Variants in SV2B observed in about 807,000 individuals in gnomAD.
The protein encoded by SV2B is solute carrier family 22 member B2.
SV2B carries 41 observed loss-of-function variants against 73.9 expected under a neutral mutation model. The ratio of observed to expected loss-of-function variants is 0.56; its 90% CI spans 0.43 to 0.72. The LOEUF (loss-of-function observed/expected upper bound fraction) is 0.72, where lower values mean the gene tolerates loss of function less well. SV2B is among the 30% of genes least tolerant of loss of function. The pLI, the probability that SV2B is intolerant of heterozygous loss-of-function variation, is 0.00. For missense variants in SV2B, 764 were observed against 857.8 expected, an observed-to-expected ratio of 0.89 and a Z score of 1.37; for synonymous variants, 314 against 314.2, an observed-to-expected ratio of 1.00 and a Z score of 0.01.
intron 1 of SV2B, among the ~76,000 whole-genome samples, chr15:91,176,092 A>G (rs1008488713): frequency 7.8e-6 from 1 of 128,062 alleles, no homozygotes; most frequent in Non-Finnish European, 1.6e-5. Context: ...TCCTGTGTCC[A>G]TGTGTTCTCA....
intron 1 of SV2B, among the ~76,000 whole-genome samples, chr15:91,150,014 G>GTTTAT (rs1567292998): frequency 6.6e-6 from 1 of 151,818 alleles, no homozygotes; most frequent in Non-Finnish European, 1.5e-5. Flanking sequence ...CTCTTTATTT[G>GTTTAT]TTTATTTTTT....
At chr15:91,246,828 A>T (rs1175946764) in intron 2 of SV2B, among the ~76,000 whole-genome samples, 1 of 151,850 alleles carries the variant, frequency 6.6e-6, no homozygotes, top group Non-Finnish European at 1.5e-5. Flanking sequence ...ATATTAAGGG[A>T]TCATTTCCCT....
intron 1 of SV2B, among the ~76,000 whole-genome samples, chr15:91,174,551 C>G (rs1352569848): frequency 1.3e-5 from 2 of 152,174 alleles, no homozygotes; most frequent in Admixed American, 6.5e-5. Flanking sequence ...ACCCTACCTT[C>G]CATTATCTTT....
rs1426712873 is a variant in SV2B, at chr15:91,123,082, C to A, written c.-392+22719C>A. On this transcript the variant is annotated intron_variant, in intron 1 of 12. Coordinates refer to ENST00000394232, the MANE Select transcript of SV2B (RefSeq NM_001323032.3). The surrounding 1 kb of genome is among the most constrained non-coding windows in gnomAD (Gnocchi z 4.7). ...GCTCAGGAGTTTGAGACCAGCCTGGCCAACATGGCAAAACCCTGTTTCTAC... is the reference window on the plus strand; with the variant it reads ...GCTCAGGAGTTTGAGACCAGCCTGGACAACATGGCAAAACCCTGTTTCTAC... Among the ~76,000 whole-genome samples the A allele has an allele frequency of 6.6e-6, 1 of 151,808 alleles. No individual in the cohort carries two copies. The highest frequency in any genetic ancestry group is 2.4e-5 in the African/African-American group (1 of 41,306).
intron 1 of SV2B, among the ~76,000 whole-genome samples, chr15:91,210,952 C>T (rs973848017): frequency 2.0e-5 from 3 of 152,160 alleles, no homozygotes; most frequent in Non-Finnish European, 4.4e-5. Flanking sequence ...TGGCATAGGC[C>T]CTCCAGGCAG....
intron 1 of SV2B, among the ~76,000 whole-genome samples, chr15:91,202,847 T>C (rs2045508705): frequency 1.3e-5 from 2 of 152,058 alleles, no homozygotes; most frequent in African/African-American, 4.8e-5. Context: ...AGTCATTGGC[T>C]TCAGGCTGCT....
chr15:91,299,319 A>G lies in SV2B; in HGVS notation c.*6767A>G, dbSNP rs560018134. The G allele has an allele frequency of 2.2e-4, 33 of 152,352 alleles. No individual in the cohort carries two copies. In the East Asian group the frequency reaches 5.6e-3, roughly 26 times the overall value. 9.4% of individuals were successfully genotyped at this position (152,352 alleles called of 1,614,324 possible). A position where few individuals can be genotyped will look rare whatever the true frequency, so the allele number is the denominator to read the frequency against. ...TAAAACATTCCTCCAAAAGAACGGC[A>G]AAGCAAATCCCATAGACACCCAAAA... On this transcript the variant is annotated 3_prime_UTR_variant, in exon 13 of 13. Coordinates refer to ENST00000394232, the MANE Select transcript of SV2B (RefSeq NM_001323032.3).
At chr15:91,207,506 C>T (rs748915974) in intron 1 of SV2B, among the ~76,000 whole-genome samples, 1 of 152,046 alleles carries the variant, frequency 6.6e-6, no homozygotes, top group Non-Finnish European at 1.5e-5. Flanking sequence ...ATTTGTTCGC[C>T]GGCATACCAA....
intron 1 of SV2B, among the ~76,000 whole-genome samples, chr15:91,216,701 CCTCAGGTGAT>C (rs2046039247): frequency 6.6e-6 from 1 of 151,678 alleles, no homozygotes; most frequent in African/African-American, 2.4e-5. Context: ...GAACTTCCAA[CCTCAGGTGAT>C]CTGCCCGCCT....
rs1406007697 is a variant in SV2B, at chr15:91,293,639, A to G, written c.*1087A>G. ...TCTTTGCAGGCAAGAATCAAACAACATGGGGACTGAGGGAAGGATGGGGAA... is the reference window on the plus strand; with the variant it reads ...TCTTTGCAGGCAAGAATCAAACAACGTGGGGACTGAGGGAAGGATGGGGAA... On this transcript the variant is annotated 3_prime_UTR_variant, in exon 13 of 13. Transcript: ENST00000394232. 2.0e-5 allele frequency: 3 copies of G among 152,230 alleles called. No homozygotes were observed. The highest frequency in any genetic ancestry group is 1.9e-4 in the East Asian group (1 of 5,204). The allele number at this position is 152,230 out of a possible 1,614,324, so 9.4% of individuals were successfully genotyped here.
At chr15:91,206,029 G>A (rs1287009817) in intron 1 of SV2B, among the ~76,000 whole-genome samples, 3 of 150,482 alleles carry the variant, frequency 2.0e-5, no homozygotes, top group African/African-American at 4.8e-5. Flanking sequence ...TTGTGGTGGT[G>A]GTGGTTGTGG....
chr15:91,239,260 G>C lies in SV2B; in HGVS notation c.451+12546G>C, dbSNP rs1184145251. On this transcript the variant is annotated intron_variant, in intron 2 of 12. Transcript: ENST00000394232. This position sits in a 1 kb window ranked among gnomAD's most constrained non-coding sequence, Gnocchi z 5.1. ...CCACTGGAGATTTTGCTGACTCAGA[G>C]GCATTCATCAATCTCTGCTGGGGAT... Among the ~76,000 whole-genome samples the C allele has an allele frequency of 6.6e-6, 1 of 151,892 alleles. No individual in the cohort carries two copies. The highest frequency in any genetic ancestry group is 1.5e-5 in the Non-Finnish European group (1 of 68,000).
chr15:91,286,681 C>T lies in SV2B; in HGVS notation c.1708+2460C>T, dbSNP rs139048830. On this transcript the variant is annotated intron_variant, in intron 11 of 12. Transcript: ENST00000394232. Reference sequence around the variant, plus strand: ...GTGTTCAATATTAACACATGGAACCCTCACAATAACCCTATGAGGTAGGCG... The same window carrying T: ...GTGTTCAATATTAACACATGGAACCTTCACAATAACCCTATGAGGTAGGCG... Among the ~76,000 whole-genome samples, 396 of 152,146 alleles carry T rather than the reference C, an allele frequency of 2.6e-3. 1 individual carries two copies. Among genetic ancestry groups the T allele is most frequent in the Middle Eastern group, 6.8e-3 (2 of 294 alleles).
intron 9 of SV2B, among the ~76,000 whole-genome samples, chr15:91,269,791 G>A (rs2048232432): frequency 6.6e-6 from 1 of 152,212 alleles, no homozygotes; most frequent in African/African-American, 2.4e-5. Flanking sequence ...CTTTGGGAAG[G>A]AAGGTTTTGG....
At chr15:91,160,246 A>G (rs1828475665) in intron 1 of SV2B, among the ~76,000 whole-genome samples, 1 of 152,218 alleles carries the variant, frequency 6.6e-6, no homozygotes, top group Non-Finnish European at 1.5e-5. Context: ...CAGATAATAA[A>G]TGTGTGGAAA....
Position 91,242,360 on chromosome 15 carries a change from T to TA in SV2B, c.452-9455dup, listed in dbSNP as rs1215331696. Among the ~76,000 whole-genome samples the TA allele has an allele frequency of 1.3e-5, 2 of 152,168 alleles. No individual in the cohort carries two copies. The highest frequency in any genetic ancestry group is 2.9e-5 in the Non-Finnish European group (2 of 68,040). Reference sequence around the variant, plus strand: ...CCACCTTTCCTCTGGATGCCACCTTTAAAATGCATCCAGAATCCAGCCACT... The same window carrying TA: ...CCACCTTTCCTCTGGATGCCACCTTTAAAAATGCATCCAGAATCCAGCCACT... On this transcript the variant is annotated intron_variant, in intron 2 of 12. Coordinates refer to ENST00000394232, the MANE Select transcript of SV2B (RefSeq NM_001323032.3). This position sits in a 1 kb window ranked among gnomAD's most constrained non-coding sequence, Gnocchi z 4.9.
At chr15:91,272,669 C>T (rs941538214) in intron 9 of SV2B, among the ~76,000 whole-genome samples, 11 of 151,864 alleles carry the variant, frequency 7.2e-5, no homozygotes, top group Admixed American at 2.0e-4. Flanking sequence ...CAAGATTTAG[C>T]TCTAAAATGA....
At position 91,121,776 on chromosome 15, in the gene SV2B, T is replaced by C. The variant is rs1040448700; in HGVS notation, c.-392+21413T>C. On this transcript the variant is annotated intron_variant, in intron 1 of 12. Coordinates refer to ENST00000394232, the MANE Select transcript of SV2B (RefSeq NM_001323032.3). This position sits in a 1 kb window ranked among gnomAD's most constrained non-coding sequence, Gnocchi z 4.4. ...AAACCATCTATTTATATATTAATAG[T>C]GTTTTTTTTTTTTTTTGAGATGGAG... Among the ~76,000 whole-genome samples the C allele has an allele frequency of 6.9e-6, 1 of 144,602 alleles. No homozygotes were observed. The highest frequency in any genetic ancestry group is 3.6e-3 in the Middle Eastern group (1 of 276). 94.9% of individuals were successfully genotyped at this position (144,602 alleles called of 152,430 possible). A position where few individuals can be genotyped will look rare whatever the true frequency, so the allele number is the denominator to read the frequency against.
Position 91,274,028 on chromosome 15 carries a change from CTGTT to C in SV2B, c.1373+5424_1373+5427del, listed in dbSNP as rs1336813531. Among the ~76,000 whole-genome samples, 95 of 151,396 alleles carry C rather than the reference CTGTT, an allele frequency of 6.3e-4. 1 individual carries two copies. Among genetic ancestry groups the C allele is most frequent in the African/African-American group, 2.2e-4 (9 of 41,422 alleles). On this transcript the variant is annotated intron_variant, in intron 9 of 12. Coordinates refer to ENST00000394232, the MANE Select transcript of SV2B (RefSeq NM_001323032.3). ...GTAAAATTATGATTTTGAGAATACTCTGTTGGGGGAGAAAACTATATAACTCAAT... is the reference window on the plus strand; with the variant it reads ...GTAAAATTATGATTTTGAGAATACTCGGGGGAGAAAACTATATAACTCAAT...
Sources: gnomAD v4.1 joint callset for allele counts (sites outside exome capture counted in the v4.1 genomes callset) on GRCh38, gnomAD v4.1.1 for gene constraint, Gnocchi (gnomAD v3.1) non-coding constraint, MANE v1.5 for transcripts, NCBI Gene and HGNC (gene_info 2026-07-23, HGNC 2026-07-21) for gene names.